DPP6: variants seen among roughly 807,000 people sequenced by gnomAD.
DPP6 encodes A-type potassium channel modulatory protein DPP6.
In DPP6, 69 loss-of-function variants were observed where a neutral mutation model predicts 122.6. The observed-to-expected ratio is 0.56, with a 90% CI of 0.46 to 0.69. The LOEUF (loss-of-function observed/expected upper bound fraction) is 0.69, where lower values mean the gene tolerates loss of function less well. DPP6 is among the 30% of genes least tolerant of loss of function. DPP6 has a pLI of 0.00. For synonymous variants in DPP6, 418 were observed against 433.1 expected (o/e 0.97, Z 0.43); for missense variants, 928 against 1,116.9 (o/e 0.83, Z 2.41).
chr7:154,819,447 T>C (rs965369321), intron 16 of DPP6, among the ~76,000 whole-genome samples: 4 of 152,080 alleles, frequency 2.6e-5, no homozygotes, highest in South Asian at 2.1e-4. Context: ...ATTAATTAAT[T>C]CAACTCAATA....
At chr7:154,451,494 A>G (rs980094259) in intron 2 of DPP6, among the ~76,000 whole-genome samples, 56 of 152,296 alleles carry the variant, frequency 3.7e-4, no homozygotes, top group Non-Finnish European at 6.2e-4. Flanking sequence ...AGGCCTGGCA[A>G]GCAGTAGCCC....
At chr7:154,813,867 A>C (rs1799235202) in intron 16 of DPP6, among the ~76,000 whole-genome samples, 1 of 144,416 alleles carries the variant, frequency 6.9e-6, no homozygotes, top group South Asian at 2.2e-4. Context: ...ACAATTTGAA[A>C]AGCACATTTC....
intron 1 of DPP6, among the ~76,000 whole-genome samples, chr7:154,320,642 G>A (rs1189459353): frequency 6.6e-6 from 1 of 152,090 alleles, no homozygotes; most frequent in Non-Finnish European, 1.5e-5. Context: ...GTGCCACCAT[G>A]GCCAGCTAAT....
chr7:154,844,669 G>C (rs1030557400), intron 16 of DPP6, among the ~76,000 whole-genome samples: 1 of 152,218 alleles, frequency 6.6e-6, no homozygotes, highest in South Asian at 2.1e-4. Context: ...AGAGAAACCG[G>C]ATGCGAAGGC....
At chr7:154,660,401 C>G (rs1837565541) in intron 6 of DPP6, among the ~76,000 whole-genome samples, 1 of 149,546 alleles carries the variant, frequency 6.7e-6, no homozygotes, top group Non-Finnish European at 1.5e-5. Flanking sequence ...GGCGTATTGG[C>G]CGTAGTGTTC....
At chr7:154,765,163 A>T (rs1795821589) in intron 8 of DPP6, among the ~76,000 whole-genome samples, 1 of 152,180 alleles carries the variant, frequency 6.6e-6, no homozygotes, top group African/African-American at 2.4e-5. Context: ...CTCCAGGTTT[A>T]TCTACTATGT....
chr7:153,950,589 G>A (rs956631688), intron 1 of DPP6, among the ~76,000 whole-genome samples: 1 of 152,156 alleles, frequency 6.6e-6, no homozygotes, highest in African/African-American at 2.4e-5. Flanking sequence ...AGGAAGGAAC[G>A]CCTGAAGTGG....
chr7:154,293,628 G>A (rs529908903), intron 1 of DPP6, among the ~76,000 whole-genome samples: 2 of 152,242 alleles, frequency 1.3e-5, no homozygotes, highest in Admixed American at 1.3e-4. Flanking sequence ...CTCCCAGGGC[G>A]ACATACATAA....
At chr7:154,334,511 C>G (rs759745180) in intron 1 of DPP6, among the ~76,000 whole-genome samples, 1 of 152,214 alleles carries the variant, frequency 6.6e-6, no homozygotes, top group African/African-American at 2.4e-5. Flanking sequence ...AGCCAAGATG[C>G]CTTTCACCAT....
In DPP6 at chr7:154,060,478, C is replaced by A. The variant is rs569118589; in HGVS notation, c.243+7415C>A. ...CTCTTCCCCCTCTGGCTTAGGACCT[C>A]CATCGTTGATCCTAAGATCCTTAGG... On this transcript the variant is annotated intron_variant, in intron 1 of 25. Transcript: ENST00000377770. Among the ~76,000 whole-genome samples the A allele has an allele frequency of 6.1e-4, 84 of 138,464 alleles. 7 individuals are homozygous for A. The highest frequency in any genetic ancestry group is 1.8e-3 in the African/African-American group (63 of 34,214). 90.8% of individuals were successfully genotyped at this position (138,464 alleles called of 152,430 possible).
intron 1 of DPP6, among the ~76,000 whole-genome samples, chr7:154,379,243 G>A (rs925767625): frequency 6.6e-6 from 1 of 152,098 alleles, no homozygotes; most frequent in African/African-American, 2.4e-5. Context: ...GAACTCCAGG[G>A]TTGCAGCAAT....
At chr7:154,475,855 A>G (rs1156868686) in intron 3 of DPP6, 1 of 152,286 alleles carries the variant, frequency 6.6e-6, no homozygotes, top group Non-Finnish European at 1.5e-5. Flanking sequence ...TATAGTGATC[A>G]AAGTCTAGTT....
chr7:153,846,001 A>G, the DPP6 span, among the ~76,000 whole-genome samples: 3 of 152,200 alleles, frequency 2.0e-5, no homozygotes, highest in Non-Finnish European at 4.4e-5. Context: ...TGATAAATAC[A>G]TAAAAGTAGA....
the DPP6 span, among the ~76,000 whole-genome samples, chr7:153,877,255 C>T: frequency 4.6e-5 from 7 of 152,060 alleles, no homozygotes; most frequent in African/African-American, 1.7e-4. Flanking sequence ...CCTTAAGACA[C>T]AAATAATACA....
the DPP6 span, among the ~76,000 whole-genome samples, chr7:153,773,065 A>C: frequency 6.8e-6 from 1 of 147,694 alleles, no homozygotes; most frequent in Admixed American, 6.8e-5. Context: ...AGTAACAAGT[A>C]AAATTATCAG....
chr7:153,989,749 T>C (rs1421371735), intron 1 of DPP6, among the ~76,000 whole-genome samples: 2 of 151,922 alleles, frequency 1.3e-5, no homozygotes, highest in Non-Finnish European at 2.9e-5. Flanking sequence ...GCCTGTGAGG[T>C]ACTGGTGCGA....
chr7:154,822,671 C>A (rs1017844315), intron 16 of DPP6, among the ~76,000 whole-genome samples: 1 of 152,114 alleles, frequency 6.6e-6, no homozygotes, highest in African/African-American at 2.4e-5. Context: ...GTCAGCCCCC[C>A]GCCCCCAACG....
At chr7:154,819,210 T>C (rs1563246582) in intron 16 of DPP6, among the ~76,000 whole-genome samples, 1 of 152,198 alleles carries the variant, frequency 6.6e-6, no homozygotes, top group Non-Finnish European at 1.5e-5. Flanking sequence ...AGGTCAGGAA[T>C]TCAAGACCAG....
At chr7:154,374,803 G>C (rs1057204814) in intron 1 of DPP6, among the ~76,000 whole-genome samples, 2 of 151,842 alleles carry the variant, frequency 1.3e-5, no homozygotes, top group Admixed American at 6.6e-5. Context: ...GTAGAGATGG[G>C]GTTTCACCAT....
Sources: gnomAD v4.1 joint callset for allele counts (sites outside exome capture counted in the v4.1 genomes callset) on GRCh38, gnomAD v4.1.1 for gene constraint, MANE v1.5 for transcripts, NCBI Gene and HGNC (gene_info 2026-07-23, HGNC 2026-07-21) for gene names.